Variants in CNTN1 observed in about 807,000 individuals in gnomAD.
The protein encoded by CNTN1 is contactin-1.
A neutral mutation model predicts 126.4 loss-of-function variants in CNTN1; 38 were observed. That is an observed-to-expected ratio of 0.30 (90% CI 0.23 to 0.39). The LOEUF is 0.39. Ranked by LOEUF, CNTN1 falls within the 10% of genes least tolerant of loss-of-function variation. The probability of loss-of-function intolerance (pLI) is 1.00; values close to 1 mark genes in which losing one functional copy is unlikely to be tolerated. For missense variants in CNTN1, 1,009 were observed against 1,248.4 expected (o/e 0.81, Z 2.89); for synonymous variants, 413 against 422.6 (o/e 0.98, Z 0.28).
intron 1 of CNTN1, among the ~76,000 whole-genome samples, chr12:40,901,412 A>T (rs1375496369): frequency 6.6e-6 from 1 of 152,208 alleles, no homozygotes; most frequent in Non-Finnish European, 1.5e-5. Flanking sequence ...CAGATTCCTG[A>T]GTAAATCGCA....
At chr12:40,755,343 T>C (rs1938565538) in intron 1 of CNTN1, among the ~76,000 whole-genome samples, 1 of 151,800 alleles carries the variant, frequency 6.6e-6, no homozygotes, top group Non-Finnish European at 1.5e-5. Flanking sequence ...AAGAAACTTA[T>C]CTGGGAAAAG....
intron 23 of CNTN1, among the ~76,000 whole-genome samples, chr12:41,042,185 T>C (rs1949431034): frequency 1.3e-5 from 2 of 152,158 alleles, no homozygotes; most frequent in Non-Finnish European, 2.9e-5. Flanking sequence ...CCAGTAGTCA[T>C]TCAGGAGCAG....
intron 1 of CNTN1, among the ~76,000 whole-genome samples, chr12:40,813,290 T>C (rs376695733): frequency 1.3e-5 from 2 of 151,448 alleles, no homozygotes; most frequent in East Asian, 3.9e-4. Flanking sequence ...TAAGTATACA[T>C]GTGTCATGGT....
At chr12:40,967,598 C>T (rs1947354566) in intron 15 of CNTN1, among the ~76,000 whole-genome samples, 1 of 152,166 alleles carries the variant, frequency 6.6e-6, no homozygotes, top group Non-Finnish European at 1.5e-5. Context: ...CTTTTAGACA[C>T]TGCATGCATT....
intron 1 of CNTN1, among the ~76,000 whole-genome samples, chr12:40,769,671 A>G (rs76884828): frequency 0.015 from 2,355 of 152,140 alleles, 59 homozygotes; most frequent in African/African-American, 0.054. Context: ...TTTTGCATCA[A>G]TTTTGCTGCT....
intron 1 of CNTN1, among the ~76,000 whole-genome samples, chr12:40,760,725 T>C (rs1205120781): frequency 6.6e-6 from 1 of 152,176 alleles, no homozygotes; most frequent in Non-Finnish European, 1.5e-5. Context: ...TATATTTAAG[T>C]AAATCTAGTT....
At chr12:40,717,303 A>T (rs898119033) in intron 1 of CNTN1, among the ~76,000 whole-genome samples, 1 of 152,230 alleles carries the variant, frequency 6.6e-6, no homozygotes, top group African/African-American at 2.4e-5. Context: ...TATATAAATA[A>T]GAAAATCAAT....
intron 9 of CNTN1, 30 bp downstream of exon 9, chr12:40,933,908 T>C (rs1353531162): frequency 6.4e-7 from 1 of 1,558,350 alleles, no homozygotes; most frequent in South Asian, 1.1e-5. Flanking sequence ...TTTGTATAAA[T>C]TTCATCAGTA....
At chr12:40,755,078 T>C (rs1457891792) in intron 1 of CNTN1, among the ~76,000 whole-genome samples, 1 of 150,806 alleles carries the variant, frequency 6.6e-6, no homozygotes, top group African/African-American at 2.4e-5. Flanking sequence ...GTAGTCCCAG[T>C]TACTTGAGAG....
intron 1 of CNTN1, among the ~76,000 whole-genome samples, chr12:40,857,686 G>A (rs1942961914): frequency 6.6e-6 from 1 of 152,090 alleles, no homozygotes; most frequent in Non-Finnish European, 1.5e-5. Context: ...TTCTAAATGT[G>A]TTTTTGCATA....
At chr12:40,855,514 GTATT>G (rs1195729412) in intron 1 of CNTN1, among the ~76,000 whole-genome samples, 2 of 151,688 alleles carry the variant, frequency 1.3e-5, no homozygotes, top group African/African-American at 4.8e-5. Flanking sequence ...ATGCTCAAAA[GTATT>G]TAATTATCTA....
chr12:40,696,735 GTCTA>G (rs975132687), intron 1 of CNTN1, among the ~76,000 whole-genome samples: 8 of 152,006 alleles, frequency 5.3e-5, no homozygotes, highest in Non-Finnish European at 7.4e-5. Context: ...ACACTCAAAA[GTCTA>G]TCTATTTAAT....
At chr12:40,783,680 CACAACACTCCTTT>C (rs1939891709) in intron 1 of CNTN1, among the ~76,000 whole-genome samples, 1 of 152,012 alleles carries the variant, frequency 6.6e-6, no homozygotes, top group Non-Finnish European at 1.5e-5. Flanking sequence ...ATTTTAGAAT[CACAACACTCCTTT>C]ACTCGTTGTG....
intron 6 of CNTN1, among the ~76,000 whole-genome samples, chr12:40,925,834 G>GTA (rs1224198370): frequency 0.064 from 4,404 of 69,172 alleles, 139 homozygotes; most frequent in Admixed American, 0.16. Context: ...ATATATGTAT[G>GTA]TGTGTGTGTG....
intron 3 of CNTN1, among the ~76,000 whole-genome samples, chr12:40,911,014 C>T (rs944482130): frequency 2.0e-5 from 3 of 152,186 alleles, no homozygotes; most frequent in African/African-American, 7.2e-5. Context: ...TTTAATTGGA[C>T]ATACAGTTCC....
chr12:41,031,305 C>T (rs1356660235), intron 23 of CNTN1, among the ~76,000 whole-genome samples: 1 of 152,064 alleles, frequency 6.6e-6, no homozygotes. Flanking sequence ...TCAAGCTTTC[C>T]AAGTGATGTC....
chr12:40,698,746 A>G (rs1313402560), intron 1 of CNTN1, among the ~76,000 whole-genome samples: 1 of 151,566 alleles, frequency 6.6e-6, no homozygotes, highest in Non-Finnish European at 1.5e-5. Context: ...CTTTTTTTGT[A>G]TTAGTAAGAT....
At chr12:40,916,512 C>G (rs748431786) in intron 3 of CNTN1, among the ~76,000 whole-genome samples, 1 of 152,054 alleles carries the variant, frequency 6.6e-6, no homozygotes, top group Admixed American at 6.6e-5. Context: ...GGATTCATTT[C>G]TCATTTTTTC....
At chr12:40,925,828 A>ATG (rs1317316387) in intron 6 of CNTN1, among the ~76,000 whole-genome samples, 1 of 84,416 alleles carries the variant, frequency 1.2e-5, no homozygotes, top group East Asian at 2.7e-4. Flanking sequence ...ATATATATAT[A>ATG]TGTATGTGTG....
Sources: allele counts gnomAD v4.1 joint callset (sites outside exome capture counted in the v4.1 genomes callset), GRCh38; gene constraint gnomAD v4.1.1; transcripts MANE v1.5; gene names NCBI Gene and HGNC (gene_info 2026-07-23, HGNC 2026-07-21).